The following PTPRT variants were observed in gnomAD, a reference collection of about 807,000 sequenced individuals.
The protein encoded by PTPRT is receptor-type tyrosine-protein phosphatase T.
PTPRT carries 56 observed loss-of-function variants against 176.8 expected under a neutral mutation model. The ratio of observed to expected loss-of-function variants is 0.32; its 90% CI spans 0.26 to 0.40. The LOEUF (loss-of-function observed/expected upper bound fraction) is 0.40, where lower values mean the gene tolerates loss of function less well. PTPRT is among the 10% of genes least tolerant of loss of function. The pLI, the probability that PTPRT is intolerant of heterozygous loss-of-function variation, is 1.00. For missense variants in PTPRT, 1,540 were observed against 1,908.2 expected (o/e 0.81, Z 3.60); for synonymous variants, 783 against 739.0 (o/e 1.06, Z -0.96).
chr20:42,907,271 A>T (rs1460580309), intron 1 of PTPRT, among the ~76,000 whole-genome samples: 1 of 152,210 alleles, frequency 6.6e-6, no homozygotes, highest in East Asian at 1.9e-4. Flanking sequence ...CAAGAAGAGA[A>T]AGCCACACAG....
chr20:42,835,601 C>G (rs998290907), intron 2 of PTPRT, among the ~76,000 whole-genome samples: 1 of 152,088 alleles, frequency 6.6e-6, no homozygotes, highest in East Asian at 1.9e-4. Context: ...GGCTTTGTAG[C>G]ATACATTACT....
At chr20:42,209,512 C>T (rs1463654473) in intron 15 of PTPRT, among the ~76,000 whole-genome samples, 2 of 152,268 alleles carry the variant, frequency 1.3e-5, no homozygotes, top group Middle Eastern at 6.8e-3. Flanking sequence ...GAGAATACTA[C>T]AAACACCTCT....
At chr20:42,252,723 C>A (rs1008838060) in intron 13 of PTPRT, among the ~76,000 whole-genome samples, 3 of 152,132 alleles carry the variant, frequency 2.0e-5, no homozygotes, top group African/African-American at 7.2e-5. Context: ...GCTTCAGCAA[C>A]GACCATAAAC....
chr20:42,534,508 C>T (rs1176333401), intron 7 of PTPRT, among the ~76,000 whole-genome samples: 4 of 152,012 alleles, frequency 2.6e-5, no homozygotes, highest in East Asian at 1.9e-4. Flanking sequence ...TGGTGGCGAG[C>T]GCCTGTAGTC....
chr20:42,411,837 C>A, intron 9 of PTPRT, among the ~76,000 whole-genome samples: 1 of 66,460 alleles, frequency 1.5e-5, no homozygotes. Flanking sequence ...GGAATTCTAC[C>A]AAATATCTAC....
At chr20:42,331,889 T>C (rs1294642413) in intron 11 of PTPRT, among the ~76,000 whole-genome samples, 1 of 152,180 alleles carries the variant, frequency 6.6e-6, no homozygotes, top group Non-Finnish European at 1.5e-5. Flanking sequence ...ATAGTAATAC[T>C]AAGACTTCAT....
intron 8 of PTPRT, among the ~76,000 whole-genome samples, chr20:42,457,380 G>A (rs754248813): frequency 1.7e-4 from 26 of 152,188 alleles, no homozygotes; most frequent in Non-Finnish European, 2.8e-4. Context: ...CTGAGCATGC[G>A]TATTAGTTTT....
At chr20:42,798,954 G>T (rs543412945) in intron 2 of PTPRT, among the ~76,000 whole-genome samples, 52 of 151,960 alleles carry the variant, frequency 3.4e-4, no homozygotes, top group African/African-American at 1.2e-3. Flanking sequence ...CAGGGAGTTT[G>T]TGTGCACGTG....
chr20:42,184,202 A>G (rs1055745498), intron 16 of PTPRT, among the ~76,000 whole-genome samples: 4 of 152,144 alleles, frequency 2.6e-5, no homozygotes. Context: ...TAACCTATCC[A>G]AACTCCTGGC....
At chr20:42,443,281 T>C (rs2059335290) in intron 9 of PTPRT, among the ~76,000 whole-genome samples, 1 of 152,256 alleles carries the variant, frequency 6.6e-6, no homozygotes, top group Non-Finnish European at 1.5e-5. Flanking sequence ...TATGCTTTAA[T>C]GTACACATGA....
chr20:42,940,989 G>A (rs896169145), intron 1 of PTPRT, among the ~76,000 whole-genome samples: 5 of 152,058 alleles, frequency 3.3e-5, no homozygotes, highest in Middle Eastern at 3.4e-3. Flanking sequence ...GGCTGAGGCA[G>A]AAGAATCGCT....
chr20:42,901,556 G>A (rs1348460873), intron 1 of PTPRT, among the ~76,000 whole-genome samples: 1 of 151,970 alleles, frequency 6.6e-6, no homozygotes, highest in Admixed American at 6.6e-5. Context: ...CTCCTGGCAC[G>A]TCCCCCACGG....
intron 7 of PTPRT, 100 bp from the exon 8 acceptor site, chr20:42,472,662 A>C: frequency 1.7e-6 from 2 of 1,198,516 alleles, no homozygotes; most frequent in Non-Finnish European, 2.3e-6. Flanking sequence ...TTCCAAACAT[A>C]TCTCCACCAT....
chr20:42,984,776 C>T (rs1464748447), intron 1 of PTPRT, among the ~76,000 whole-genome samples: 2 of 152,162 alleles, frequency 1.3e-5, no homozygotes, highest in Admixed American at 6.5e-5. Context: ...TTGTCTGACA[C>T]CAAAGTCCAT....
Position 42,435,344 on chromosome 20 carries a change from C to A in PTPRT, c.1560+12876G>T, listed in dbSNP as rs573052827. ...AATGGTAGAGACAGTGGTGAGTGGG[C>A]AAAGCCCTACCTGAAGGCTATTAGG... On this transcript the variant is annotated intron_variant, in intron 9 of 30. Transcript: ENST00000373187. Among the ~76,000 whole-genome samples the A allele has an allele frequency of 6.4e-3, 978 of 152,310 alleles. 12 individuals are homozygous for A. Among genetic ancestry groups the A allele is most frequent in the African/African-American group, 0.023 (937 of 41,550 alleles).
the PTPRT span, among the ~76,000 whole-genome samples, chr20:42,043,156 A>G: frequency 6.6e-6 from 1 of 152,252 alleles, no homozygotes; most frequent in Non-Finnish European, 1.5e-5. Context: ...TGGGGAATGT[A>G]CAAAACATAT....
intron 9 of PTPRT, among the ~76,000 whole-genome samples, chr20:42,420,195 T>G (rs1425839097): frequency 6.6e-6 from 1 of 152,202 alleles, no homozygotes; most frequent in East Asian, 1.9e-4. Flanking sequence ...GACAGGTGAC[T>G]TGGTTACCAA....
chr20:42,683,866 A>T (rs139309491), intron 6 of PTPRT, among the ~76,000 whole-genome samples: 44 of 152,320 alleles, frequency 2.9e-4, no homozygotes, highest in African/African-American at 1.0e-3. Flanking sequence ...ACAATGAAAG[A>T]TTCAAGTCAT....
At chr20:43,074,142 T>C (rs566160164) in intron 1 of PTPRT, among the ~76,000 whole-genome samples, 2 of 152,230 alleles carry the variant, frequency 1.3e-5, no homozygotes, top group African/African-American at 4.8e-5. Context: ...AAAAAATGTC[T>C]AAAAGACTTC....
Sources: gnomAD v4.1 joint callset for allele counts (sites outside exome capture counted in the v4.1 genomes callset) on GRCh38, gnomAD v4.1.1 for gene constraint, MANE v1.5 for transcripts, NCBI Gene and HGNC (gene_info 2026-07-23, HGNC 2026-07-21) for gene names.